Variants in DHX36 observed in about 807,000 individuals in gnomAD.
DHX36 encodes the protein DEAH-box helicase 36.
DHX36 carries 50 observed loss-of-function variants against 139.0 expected under a neutral mutation model. The ratio of observed to expected loss-of-function variants is 0.36; its 90% CI spans 0.29 to 0.46. The LOEUF is 0.46. DHX36 is among the 20% of genes least tolerant of loss of function. The pLI is 1.00. For missense variants in DHX36, 1,024 were observed against 1,211.3 expected (o/e 0.85, Z 2.29); for synonymous variants, 425 against 401.9 (o/e 1.06, Z -0.69).
chr3:154,281,133 G>A (rs1251455613), intron 20 of DHX36, among the ~76,000 whole-genome samples: 2 of 152,090 alleles, frequency 1.3e-5, no homozygotes, highest in Non-Finnish European at 2.9e-5. Flanking sequence ...CTTATGGCCT[G>A]TAAGCCTAAA....
intron 17 of DHX36, among the ~76,000 whole-genome samples, chr3:154,288,042 C>A (rs754836728): frequency 6.6e-6 from 1 of 150,614 alleles, no homozygotes; most frequent in African/African-American, 2.4e-5. Flanking sequence ...CGTTATCTAC[C>A]CAACTTGATC....
chr3:154,283,195 G>A lies in DHX36; in HGVS notation c.2369C>T (p.Thr790Ile), dbSNP rs776953926. ...CAAAACATTCACCATTACCTGCAGTGTGTTTGAAGACAGAAAATATTCCCA... is the reference window on the plus strand; with the variant it reads ...CAAAACATTCACCATTACCTGCAGTATGTTTGAAGACAGAAAATATTCCCA... ...YCWEYFLSSNTLQMLHNMKGQ... is the reference protein window; with the variant it reads ...YCWEYFLSSNILQMLHNMKGQ... Residue 790 changes from threonine (T) to isoleucine (I), a missense_variant, in exon 20 of 25, where the codon ACA becomes ATA. Transcript: ENST00000496811. The A allele has an allele frequency of 1.9e-6, 3 of 1,611,146 alleles. No homozygotes were observed. The highest frequency in any genetic ancestry group is 2.2e-5 in the East Asian group (1 of 44,846).
chr3:154,319,567 C>T (rs1474512898), intron 1 of DHX36, among the ~76,000 whole-genome samples: 1 of 152,170 alleles, frequency 6.6e-6, no homozygotes, highest in Non-Finnish European at 1.5e-5. Flanking sequence ...AGGCTAACCC[C>T]TCAACCTGAG....
intron 14 of DHX36, among the ~76,000 whole-genome samples, chr3:154,293,247 G>C (rs1711893085): frequency 6.6e-6 from 1 of 152,134 alleles, no homozygotes; most frequent in African/African-American, 2.4e-5. Context: ...CACCTAAAAT[G>C]CTATTTCTGA....
At chr3:154,305,245 C>T in intron 6 of DHX36, 77 bp from the exon 7 acceptor site, 1 of 1,247,110 alleles carries the variant, frequency 8.0e-7, no homozygotes, top group South Asian at 1.4e-5. Flanking sequence ...TTTATATCTT[C>T]AATTTTAGAA....
At position 154,275,454 on chromosome 3, in the gene DHX36, C is replaced by A. The variant is rs1719117896; in HGVS notation, c.*717G>T. ...CATGGATATGAAGGGCCAACTGTAT[C>A]TTACAAGATAAGGAAAAAGGAGAGA... is the stretch of plus-strand genomic sequence containing the variant. On this transcript the variant is annotated 3_prime_UTR_variant, in exon 25 of 25. Coordinates refer to ENST00000496811, the MANE Select transcript of DHX36 (RefSeq NM_020865.3). The A allele has an allele frequency of 1.4e-5, 1 of 72,118 alleles. No homozygotes were observed. The highest frequency in any genetic ancestry group is 5.2e-4 in the East Asian group (1 of 1,928). 4.5% of individuals were successfully genotyped at this position (72,118 alleles called of 1,614,324 possible).
chr3:154,324,449 C>G lies in DHX36; in HGVS notation c.-33G>C, dbSNP rs1482892054. On this transcript the variant is annotated 5_prime_UTR_variant, in exon 1 of 25. Transcript: ENST00000496811. Reference sequence around the variant, plus strand: ...GCAGACTACAACCCGTCAGAACCAGCAACCGCTGGAAATGGCGTCCGGGCC... The same window carrying G: ...GCAGACTACAACCCGTCAGAACCAGGAACCGCTGGAAATGGCGTCCGGGCC... 3.4e-6 allele frequency: 5 copies of G among 1,452,426 alleles called. No homozygotes were observed. The highest frequency in any genetic ancestry group is 4.5e-6 in the Non-Finnish European group (5 of 1,105,472). The allele number at this position is 1,452,426 out of a possible 1,614,324, so 90.0% of individuals were successfully genotyped here.
At chr3:154,323,267 G>A (rs147193555) in intron 1 of DHX36, among the ~76,000 whole-genome samples, 1,721 of 152,106 alleles carry the variant, frequency 0.011, 30 homozygotes, top group African/African-American at 0.04. Context: ...CTTGGGAGGC[G>A]GAGGTTGCAG....
At chr3:154,305,337 CT>C (rs1712457484) in intron 6 of DHX36, 169 bp from the exon 7 acceptor site, 1 of 575,510 alleles carries the variant, frequency 1.7e-6, no homozygotes, top group Non-Finnish European at 3.1e-6. Flanking sequence ...ATGGGAAATA[CT>C]TCAAGTTCAT....
At position 154,303,398 on chromosome 3, in the gene DHX36, A is replaced by T; in HGVS notation, c.1148T>A (p.Met383Lys). The T allele has an allele frequency of 6.2e-7, 1 of 1,603,150 alleles. No individual in the cohort carries two copies. The highest frequency in any genetic ancestry group is 8.5e-7 in the Non-Finnish European group (1 of 1,175,786). Residue 383 changes from methionine (M) to lysine (K), a missense_variant, in exon 9 of 25, where the codon ATG becomes AAG. Met to Lys is a moderately conservative substitution (Grantham distance 95). This residue lies in a region of DHX36 where 146 missense variants were observed against 215.0 expected (regional missense o/e 0.68). Coordinates refer to ENST00000496811, the MANE Select transcript of DHX36 (RefSeq NM_020865.3). ...AAAGGTAAAACCAGGTATATGTATCATTGGACAGTTACCTATTACGGCAGA... is the reference window on the plus strand; with the variant it reads ...AAAGGTAAAACCAGGTATATGTATCTTTGGACAGTTACCTATTACGGCAGA... ...KFSEYFGNCPMIHIPGFTFPV... is the reference protein window; with the variant it reads ...KFSEYFGNCPKIHIPGFTFPV...
intron 4 of DHX36, among the ~76,000 whole-genome samples, chr3:154,311,289 T>G (rs1235628385): frequency 6.6e-6 from 1 of 152,170 alleles, no homozygotes; most frequent in African/African-American, 2.4e-5. Flanking sequence ...GTACTTTTTT[T>G]GTACATTGAT....
intron 1 of DHX36, among the ~76,000 whole-genome samples, chr3:154,317,969 A>G (rs2108367786): frequency 6.6e-6 from 1 of 152,230 alleles, no homozygotes; most frequent in East Asian, 1.9e-4. Flanking sequence ...CCAATTAAAC[A>G]AACACCAAAA....
At chr3:154,291,717 CCTTTT>C (rs1711819197) in intron 15 of DHX36, among the ~76,000 whole-genome samples, 1 of 152,186 alleles carries the variant, frequency 6.6e-6, no homozygotes, top group Non-Finnish European at 1.5e-5. Context: ...TTTCAACTCT[CCTTTT>C]CTTAAGTCTG....
At chr3:154,294,061 A>G (rs913501659) in intron 13 of DHX36, among the ~76,000 whole-genome samples, 2 of 152,220 alleles carry the variant, frequency 1.3e-5, no homozygotes, top group African/African-American at 4.8e-5. Flanking sequence ...AAGATTTCCA[A>G]TGAGGTATCA....
intron 13 of DHX36, among the ~76,000 whole-genome samples, chr3:154,294,380 C>T (rs1711945281): frequency 6.6e-6 from 1 of 152,068 alleles, no homozygotes; most frequent in Non-Finnish European, 1.5e-5. Flanking sequence ...GTACCACTGG[C>T]GATAATGCAA....
intron 1 of DHX36, among the ~76,000 whole-genome samples, chr3:154,321,775 A>G (rs1406168501): frequency 1.3e-5 from 2 of 152,196 alleles, no homozygotes; most frequent in African/African-American, 4.8e-5. Context: ...CCTGGCCAAC[A>G]TGGCAAAACC....
intron 6 of DHX36, 103 bp downstream of exon 6, chr3:154,306,113 G>T: frequency 1.2e-6 from 1 of 848,694 alleles, no homozygotes; most frequent in Non-Finnish European, 1.9e-6. Flanking sequence ...AATTGTAATA[G>T]TAATAACCAT....
intron 16 of DHX36, among the ~76,000 whole-genome samples, 186 bp from the exon 17 acceptor site, chr3:154,289,150 T>C (rs931148072): frequency 2.0e-5 from 3 of 152,122 alleles, no homozygotes; most frequent in African/African-American, 7.2e-5. Context: ...CTATATATAT[T>C]ACTACTTTCT....
chr3:154,301,434 T>A (rs534093129), intron 9 of DHX36, among the ~76,000 whole-genome samples: 1 of 152,160 alleles, frequency 6.6e-6, no homozygotes, highest in Non-Finnish European at 1.5e-5. Context: ...AGAACAAAAG[T>A]TAATATTAAT....
Sources: allele counts gnomAD v4.1 joint callset (sites outside exome capture counted in the v4.1 genomes callset), GRCh38; gene constraint gnomAD v4.1.1; regional missense constraint gnomAD v4.1.1; transcripts MANE v1.5; gene names NCBI Gene and HGNC (gene_info 2026-07-23, HGNC 2026-07-21).